Variants in ANKS1B observed in about 807,000 individuals in gnomAD.
ANKS1B encodes the protein ankyrin repeat and sterile alpha motif domain-containing protein 1B.
In ANKS1B, 36 loss-of-function variants were observed where a neutral mutation model predicts 148.3. The ratio of observed to expected loss-of-function variants is 0.24; its 90% CI spans 0.19 to 0.32. The LOEUF is 0.32. Ranked by LOEUF, ANKS1B falls within the 10% of genes least tolerant of loss-of-function variation. The pLI, the probability that ANKS1B is intolerant of heterozygous loss-of-function variation, is 1.00. For synonymous variants in ANKS1B, 542 were observed against 560.8 expected (o/e 0.97, Z 0.47); for missense variants, 1,157 against 1,542.6 (o/e 0.75, Z 4.19).
Position 99,832,658 on chromosome 12 carries a change from A to G in ANKS1B, c.135-7269T>C, listed in dbSNP as rs143204038. 7.8e-3 allele frequency among the ~76,000 whole-genome samples: 1,190 copies of G among 151,934 alleles called. 13 individuals carry two copies. Among genetic ancestry groups the G allele is most frequent in the African/African-American group, 0.027 (1,124 of 41,428 alleles). On this transcript the variant is annotated intron_variant, in intron 1 of 26. Transcript: ENST00000683438. ...AGAATCACTTGAACCCAGGAGGCAG[A>G]GGTTGCAGTGAGCCGAGATCAGGCC...
chr12:99,293,104 A>G (rs1306878389), intron 12 of ANKS1B, among the ~76,000 whole-genome samples: 2 of 152,196 alleles, frequency 1.3e-5, no homozygotes, highest in Admixed American at 6.5e-5. Context: ...ACCAACCCCA[A>G]TGTCCATCAA....
chr12:99,318,531 T>C (rs188999041), intron 12 of ANKS1B, among the ~76,000 whole-genome samples: 1 of 152,330 alleles, frequency 6.6e-6, no homozygotes, highest in Admixed American at 6.5e-5. Context: ...TTTATCATTT[T>C]TTTATTGTGT....
intron 17 of ANKS1B, among the ~76,000 whole-genome samples, chr12:98,833,926 T>C (rs922638653): frequency 6.6e-6 from 1 of 152,170 alleles, no homozygotes; most frequent in African/African-American, 2.4e-5. Context: ...GGACATGATT[T>C]CATTCTTTTT....
intron 17 of ANKS1B, among the ~76,000 whole-genome samples, chr12:99,015,343 C>T (rs2099941815): frequency 6.6e-6 from 1 of 151,936 alleles, no homozygotes; most frequent in Non-Finnish European, 1.5e-5. Context: ...ATGGACACAA[C>T]ACACACTGGG....
rs143887514 is a variant in ANKS1B at position 99,288,529 on chromosome 12, T to C, written c.1757-41665A>G. ...AGACAAACACGTAATATTAGAACAC[T>C]GTAACTGTGGTGTTTAAAGCACCCA... On this transcript the variant is annotated intron_variant, in intron 12 of 26. Transcript: ENST00000683438. 2.1e-3 allele frequency among the ~76,000 whole-genome samples: 327 copies of C among 152,260 alleles called. 1 individual carries two copies. The highest frequency in any genetic ancestry group is 7.6e-3 in the African/African-American group (315 of 41,572).
chr12:98,821,635 G>A (rs1346184001), intron 19 of ANKS1B, among the ~76,000 whole-genome samples: 1 of 152,184 alleles, frequency 6.6e-6, no homozygotes, highest in East Asian at 1.9e-4. Flanking sequence ...TTGAGACAGA[G>A]TCTTGCTCTG....
At chr12:99,399,520 G>A (rs1172898950) in intron 12 of ANKS1B, 111 bp downstream of exon 12, 9 of 1,137,178 alleles carry the variant, frequency 7.9e-6, no homozygotes, top group African/African-American at 1.6e-5. Flanking sequence ...ACACATGGAG[G>A]TGAACTAAAA....
intron 14 of ANKS1B, among the ~76,000 whole-genome samples, chr12:99,156,547 C>A (rs1394435704): frequency 6.6e-6 from 1 of 152,114 alleles, no homozygotes; most frequent in Non-Finnish European, 1.5e-5. Flanking sequence ...TCCACTTTTC[C>A]ACTGCCCCAG....
intron 8 of ANKS1B, among the ~76,000 whole-genome samples, chr12:99,726,106 A>C (rs2058594098): frequency 6.6e-6 from 1 of 152,204 alleles, no homozygotes; most frequent in Admixed American, 6.5e-5. Context: ...AACTAATCCA[A>C]AAGCTAGCAG....
chr12:98,973,206 C>T (rs188612690), intron 17 of ANKS1B, among the ~76,000 whole-genome samples: 46 of 123,736 alleles, frequency 3.7e-4, no homozygotes, highest in African/African-American at 1.4e-3. Context: ...TTAGACTAAA[C>T]GAAATGCAAA....
At chr12:98,922,112 A>G (rs2099802207) in intron 17 of ANKS1B, among the ~76,000 whole-genome samples, 1 of 152,182 alleles carries the variant, frequency 6.6e-6, no homozygotes, top group South Asian at 2.1e-4. Flanking sequence ...TCTATCCTCA[A>G]GTGGCATTTC....
intron 4 of ANKS1B, among the ~76,000 whole-genome samples, chr12:99,806,046 A>C (rs1342682305): frequency 6.6e-6 from 1 of 152,214 alleles, no homozygotes; most frequent in Non-Finnish European, 1.5e-5. Flanking sequence ...CATACTCAAC[A>C]ATGTTAAAGT....
intron 6 of ANKS1B, 27 bp from the exon 7 acceptor site, chr12:99,775,688 A>G (rs2063581644): frequency 8.0e-7 from 1 of 1,254,816 alleles, no homozygotes; most frequent in Non-Finnish European, 1.1e-6. Context: ...TTGAGATTAC[A>G]TACTTGAATT....
At chr12:99,840,252 C>G (rs779147160) in intron 1 of ANKS1B, among the ~76,000 whole-genome samples, 12 of 152,026 alleles carry the variant, frequency 7.9e-5, no homozygotes, top group Non-Finnish European at 2.9e-5. Flanking sequence ...AAGAAATGGG[C>G]TTAATGCTGA....
At chr12:99,106,627 C>T (rs1036199133) in intron 15 of ANKS1B, among the ~76,000 whole-genome samples, 4 of 152,098 alleles carry the variant, frequency 2.6e-5, no homozygotes, top group African/African-American at 4.8e-5. Context: ...TATGTGATAT[C>T]TTGATACAAG....
At chr12:99,247,967 C>T (rs2074079758) in intron 12 of ANKS1B, among the ~76,000 whole-genome samples, 2 of 152,024 alleles carry the variant, frequency 1.3e-5, no homozygotes, top group Admixed American at 6.6e-5. Context: ...TTAATTATTA[C>T]CATAAACCCC....
At chr12:99,769,517 T>G (rs2153617754) in intron 8 of ANKS1B, among the ~76,000 whole-genome samples, 1 of 152,304 alleles carries the variant, frequency 6.6e-6, no homozygotes, top group South Asian at 2.1e-4. Flanking sequence ...TACACAAGAA[T>G]TTATTCTCAG....
At chr12:99,430,602 C>T (rs1265056584) in intron 11 of ANKS1B, among the ~76,000 whole-genome samples, 1 of 152,104 alleles carries the variant, frequency 6.6e-6, no homozygotes, top group Admixed American at 6.5e-5. Context: ...ACCTATTCTC[C>T]GACTCCTTAT....
rs138717484 is a variant in ANKS1B at position 99,238,812 on chromosome 12, C to T, written c.2419+5530G>A. On this transcript the variant is annotated intron_variant, in intron 14 of 26. Coordinates refer to ENST00000683438, the MANE Select transcript of ANKS1B (RefSeq NM_001352186.2). ...CCTCCAGCAAACTCCAGCAGACCTG[C>T]AGCTGAGGGGCTTGACTGTTAGAAG... 1.1e-4 allele frequency among the ~76,000 whole-genome samples: 16 copies of T among 152,272 alleles called. No homozygotes were observed. The East Asian group carries it at 3.1e-3, about 29-fold the overall frequency.
Sources: allele counts gnomAD v4.1 joint callset (sites outside exome capture counted in the v4.1 genomes callset), GRCh38; gene constraint gnomAD v4.1.1; transcripts MANE v1.5; gene names NCBI Gene and HGNC (gene_info 2026-07-23, HGNC 2026-07-21).